BTBD9: variants seen among roughly 807,000 people sequenced by gnomAD.
BTBD9 encodes BTB domain containing 9, also known as BTB/POZ domain-containing protein 9.
Under a neutral mutation model 64.3 loss-of-function variants are expected in BTBD9, and 49 were observed. The ratio of observed to expected loss-of-function variants is 0.76; its 90% CI spans 0.61 to 0.97. The LOEUF (loss-of-function observed/expected upper bound fraction) is 0.97. BTBD9 is among the 50% of genes least tolerant of loss of function. BTBD9 has a pLI of 0.00. For missense variants in BTBD9, 598 were observed against 762.1 expected (o/e 0.78, Z 2.53); for synonymous variants, 260 against 274.7 (o/e 0.95, Z 0.53).
chr6:38,342,292 T>C (rs60814959), intron 7 of BTBD9, among the ~76,000 whole-genome samples: 28,905 of 151,882 alleles, frequency 0.19, 2,952 homozygotes, highest in African/African-American at 0.24. Context: ...TCCCAGCAGT[T>C]TGGGAGGCTG....
At chr6:38,472,055 A>G (rs1224891709) in intron 6 of BTBD9, among the ~76,000 whole-genome samples, 1 of 152,178 alleles carries the variant, frequency 6.6e-6, no homozygotes, top group African/African-American at 2.4e-5. Context: ...TGGGTATTAT[A>G]TGTAGATTTT....
intron 1 of BTBD9, among the ~76,000 whole-genome samples, chr6:38,630,348 T>C (rs997371397): frequency 6.6e-6 from 1 of 152,234 alleles, no homozygotes; most frequent in African/African-American, 2.4e-5. Flanking sequence ...ATAAGTCAAT[T>C]GGGATAATTG....
intron 6 of BTBD9, among the ~76,000 whole-genome samples, chr6:38,541,011 T>C (rs1277520480): frequency 6.6e-6 from 1 of 152,184 alleles, no homozygotes; most frequent in Admixed American, 6.5e-5. Flanking sequence ...ATTCACAGCT[T>C]GATGAGAAGG....
chr6:38,444,597 A>C (rs1488104315), intron 6 of BTBD9, among the ~76,000 whole-genome samples: 1 of 152,152 alleles, frequency 6.6e-6, no homozygotes, highest in Non-Finnish European at 1.5e-5. Flanking sequence ...CTACTCACTA[A>C]TTATGTGATT....
chr6:38,189,919 C>T (rs1021407362), intron 10 of BTBD9, among the ~76,000 whole-genome samples: 2 of 151,384 alleles, frequency 1.3e-5, no homozygotes, highest in African/African-American at 2.4e-5. Flanking sequence ...AGTGATCCAC[C>T]TGCCTTGGCC....
At chr6:38,362,725 G>C (rs1044245968) in intron 6 of BTBD9, among the ~76,000 whole-genome samples, 1 of 152,190 alleles carries the variant, frequency 6.6e-6, no homozygotes, top group Non-Finnish European at 1.5e-5. Context: ...AGCAGGATTT[G>C]ATGAGTATAG....
chr6:38,192,683 A>T, intron 9 of BTBD9, 86 bp from the exon 10 acceptor site: 1 of 1,225,684 alleles, frequency 8.2e-7, no homozygotes, highest in Non-Finnish European at 1.2e-6. Context: ...TCCACTGAGG[A>T]GGGAGGGCTT....
At chr6:38,237,709 A>G (rs1763826527) in intron 9 of BTBD9, among the ~76,000 whole-genome samples, 1 of 152,242 alleles carries the variant, frequency 6.6e-6, no homozygotes, top group South Asian at 2.1e-4. Context: ...TTAATTCCTT[A>G]CAAAAAAGTG....
intron 9 of BTBD9, among the ~76,000 whole-genome samples, chr6:38,254,848 T>G (rs145805983): frequency 6.6e-6 from 1 of 152,202 alleles, no homozygotes; most frequent in African/African-American, 2.4e-5. Context: ...GTGAAAAATT[T>G]TGGCAGTTCC....
intron 6 of BTBD9, among the ~76,000 whole-genome samples, chr6:38,573,156 CA>C (rs1182262982): frequency 2.0e-5 from 3 of 151,916 alleles, no homozygotes; most frequent in Admixed American, 6.6e-5. Flanking sequence ...TAAAGAAATT[CA>C]AAGTAAAATA....
chr6:38,272,098 G>A (rs997208880), intron 8 of BTBD9, among the ~76,000 whole-genome samples: 7 of 152,086 alleles, frequency 4.6e-5, no homozygotes, highest in Non-Finnish European at 1.0e-4. Flanking sequence ...CAAACTGATA[G>A]GATAGTCATT....
chr6:38,558,407 A>C (rs1316424152), intron 6 of BTBD9, among the ~76,000 whole-genome samples: 1 of 151,948 alleles, frequency 6.6e-6, no homozygotes, highest in Non-Finnish European at 1.5e-5. Flanking sequence ...CTGCCTGACT[A>C]CTCTGGCTAG....
intron 6 of BTBD9, among the ~76,000 whole-genome samples, chr6:38,430,084 G>GTT (rs1398305867): frequency 2.0e-5 from 3 of 151,958 alleles, no homozygotes; most frequent in African/African-American, 7.3e-5. Flanking sequence ...CTGAAGAAAA[G>GTT]TAAAGTAAGG....
intron 8 of BTBD9, among the ~76,000 whole-genome samples, chr6:38,282,581 C>G (rs1030597876): frequency 1.3e-5 from 2 of 152,076 alleles, no homozygotes; most frequent in African/African-American, 2.4e-5. Context: ...GTGGTGGTGG[C>G]GGGGTGGGAT....
intron 6 of BTBD9, among the ~76,000 whole-genome samples, chr6:38,483,298 G>C (rs1423345715): frequency 6.6e-6 from 1 of 151,842 alleles, no homozygotes; most frequent in Non-Finnish European, 1.5e-5. Context: ...TCGATTTTCT[G>C]TTACCTACTG....
chr6:38,462,545 A>T (rs902241776), intron 6 of BTBD9, among the ~76,000 whole-genome samples: 1 of 152,218 alleles, frequency 6.6e-6, no homozygotes, highest in African/African-American at 2.4e-5. Flanking sequence ...GTAGGTTTAT[A>T]ATATATCTTA....
chr6:38,278,694 T>C (rs940230289), intron 8 of BTBD9, among the ~76,000 whole-genome samples: 2 of 152,240 alleles, frequency 1.3e-5, no homozygotes, highest in African/African-American at 4.8e-5. Flanking sequence ...AGAACCACTG[T>C]AAGACATGGT....
intron 6 of BTBD9, among the ~76,000 whole-genome samples, chr6:38,497,538 T>C (rs1298149056): frequency 3.3e-5 from 5 of 152,032 alleles, no homozygotes; most frequent in Admixed American, 3.3e-4. Context: ...ATGGAGTCCC[T>C]TTTTGCAAAT....
At chr6:38,528,907 CAA>C (rs1182021169) in intron 6 of BTBD9, among the ~76,000 whole-genome samples, 2 of 152,112 alleles carry the variant, frequency 1.3e-5, no homozygotes, top group African/African-American at 4.8e-5. Flanking sequence ...AAAAGAGAGA[CAA>C]GAGTAAATGG....
Sources: allele counts gnomAD v4.1 joint callset (sites outside exome capture counted in the v4.1 genomes callset), GRCh38; gene constraint gnomAD v4.1.1; transcripts MANE v1.5; gene names NCBI Gene and HGNC (gene_info 2026-07-23, HGNC 2026-07-21).